The following GTF3C5 variants were observed in gnomAD, a reference collection of about 807,000 sequenced individuals.
GTF3C5 encodes general transcription factor IIIC subunit 5.
In GTF3C5, 47 loss-of-function variants were observed where a neutral mutation model predicts 61.0. That is an observed-to-expected ratio of 0.77 (90% CI 0.61 to 0.98). The LOEUF (loss-of-function observed/expected upper bound fraction) is 0.98, where lower values mean the gene tolerates loss of function less well. GTF3C5 is among the 50% of genes least tolerant of loss of function. The pLI, the probability that GTF3C5 is intolerant of heterozygous loss-of-function variation, is 0.00. For missense variants in GTF3C5, 659 were observed against 703.3 expected, an observed-to-expected ratio of 0.94 and a Z score of 0.71; for synonymous variants, 295 against 275.4, an observed-to-expected ratio of 1.07 and a Z score of -0.71.
At chr9:133,037,110 AC>A (rs1199929647) in intron 1 of GTF3C5, among the ~76,000 whole-genome samples, 3 of 152,086 alleles carry the variant, frequency 2.0e-5, no homozygotes, top group Non-Finnish European at 2.9e-5. Context: ...TTGGGGGAGA[AC>A]TGTCCGTCGA....
At chr9:133,055,980 C>T in intron 8 of GTF3C5, 32 bp from the exon 9 acceptor site, 1 of 1,613,802 alleles carries the variant, frequency 6.2e-7, no homozygotes, top group African/African-American at 1.3e-5. Context: ...CTCTGGCTCA[C>T]CTTCCCTGTC....
intron 8 of GTF3C5, 49 bp from the exon 9 acceptor site, chr9:133,055,963 C>A: frequency 6.2e-7 from 1 of 1,612,698 alleles, no homozygotes; most frequent in South Asian, 1.1e-5. Flanking sequence ...CACTGGCAGC[C>A]CCAGGGCTCT....
intron 3 of GTF3C5, among the ~76,000 whole-genome samples, chr9:133,048,140 G>A (rs376189750): frequency 6.8e-6 from 1 of 147,590 alleles, no homozygotes; most frequent in Non-Finnish European, 1.5e-5. Context: ...AAAAAAAAAA[G>A]TGGTTTTTTG....
chr9:133,042,384 C>T (rs1307540061), intron 2 of GTF3C5, 78 bp downstream of exon 2: 3 of 950,782 alleles, frequency 3.2e-6, no homozygotes, highest in African/African-American at 3.2e-5. Flanking sequence ...CTGTGTGGGT[C>T]ATCTGCACCA....
chr9:133,054,229 C>T (rs558618771), intron 6 of GTF3C5, among the ~76,000 whole-genome samples, 179 bp from the exon 7 acceptor site: 19 of 152,330 alleles, frequency 1.2e-4, no homozygotes, highest in African/African-American at 4.6e-4. Flanking sequence ...GCATCAGTGC[C>T]CGCCCTGCCT....
intron 3 of GTF3C5, among the ~76,000 whole-genome samples, chr9:133,048,710 G>A (rs1850281749): frequency 6.6e-6 from 1 of 152,196 alleles, no homozygotes; most frequent in African/African-American, 2.4e-5. Flanking sequence ...GCCGCCCCTG[G>A]CACTAGATGG....
intron 3 of GTF3C5, among the ~76,000 whole-genome samples, chr9:133,047,600 C>T (rs1277108859): frequency 1.3e-5 from 2 of 151,914 alleles, no homozygotes; most frequent in Non-Finnish European, 2.9e-5. Flanking sequence ...CGGCTCACTG[C>T]AACCTCTGCC....
intron 10 of GTF3C5, 47 bp from the exon 11 acceptor site, chr9:133,057,767 C>T (rs780176855): frequency 1.2e-5 from 19 of 1,520,504 alleles, no homozygotes; most frequent in Middle Eastern, 2.4e-4. Context: ...TGGGGCCACC[C>T]GGCAGCCTGC....
At chr9:133,055,099 G>GC in intron 8 of GTF3C5, 1 of 1,550,378 alleles carries the variant, frequency 6.5e-7, no homozygotes. Flanking sequence ...GGGAGCCTGG[G>GC]CCCCCACTGA....
chr9:133,041,121 G>A (rs1850026435), intron 1 of GTF3C5, among the ~76,000 whole-genome samples: 1 of 152,230 alleles, frequency 6.6e-6, no homozygotes. Flanking sequence ...TGTCTGGGAA[G>A]ACGCCTCTTG....
chr9:133,043,508 C>T (rs12344438), intron 2 of GTF3C5, among the ~76,000 whole-genome samples: 98 of 152,320 alleles, frequency 6.4e-4, no homozygotes, highest in Middle Eastern at 3.4e-3. Context: ...TATCATGTAG[C>T]TCCCCACCTC....
chr9:133,040,340 G>A (rs1379857815), intron 1 of GTF3C5, among the ~76,000 whole-genome samples: 2 of 152,178 alleles, frequency 1.3e-5, no homozygotes, highest in Non-Finnish European at 2.9e-5. Context: ...TCACTAGCAC[G>A]TAGGTGACCT....
intron 10 of GTF3C5, 24 bp downstream of exon 10, chr9:133,056,932 GGGTCCAGGATGCCT>G: frequency 6.4e-7 from 1 of 1,557,850 alleles, no homozygotes; most frequent in Non-Finnish European, 8.7e-7. Flanking sequence ...GGGGTAAAGG[GGGTCCAGGATGCCT>G]GGTGATCTCC....
intron 5 of GTF3C5, among the ~76,000 whole-genome samples, chr9:133,053,326 T>G (rs1322297796): frequency 6.6e-6 from 1 of 152,198 alleles, no homozygotes; most frequent in Non-Finnish European, 1.5e-5. Flanking sequence ...GGCTCACTCC[T>G]AGAATCCCGG....
chr9:133,051,235 C>T (rs758379636), intron 4 of GTF3C5, among the ~76,000 whole-genome samples: 9 of 152,244 alleles, frequency 5.9e-5, no homozygotes, highest in East Asian at 1.9e-4. Context: ...GTGACATAAA[C>T]GTGGAGCTCT....
At chr9:133,055,669 GA>G in intron 8 of GTF3C5, 3 of 985,434 alleles carry the variant, frequency 3.0e-6, no homozygotes, top group Non-Finnish European at 3.6e-6. Context: ...GTGGGTGAGG[GA>G]TAAGGTCAGA....
In GTF3C5 at chr9:133,042,107, G is replaced by A. The variant is rs1850054942; in HGVS notation, c.174G>A (p.Lys58=). Residue 58 remains lysine (K), a synonymous_variant, in exon 2 of 11, where the codon AAG becomes AAA. Transcript: ENST00000372097. ...CACAGATCTACGCAGACCCCACCAA[G>A]AGGCTGGAGCTGTACTTCCGGCCCA... ...GVSRIYADPT[K]RLELYFRPKD... 1 of 1,613,782 alleles carries A rather than the reference G, an allele frequency of 6.2e-7. No homozygotes were observed. The highest frequency in any genetic ancestry group is 8.5e-7 in the Non-Finnish European group (1 of 1,179,918).
rs751750842 is a variant in GTF3C5 at position 133,057,950 on chromosome 9, A to C, written c.1530A>C (p.Glu510Asp). 1.2e-6 allele frequency: 2 copies of C among 1,613,916 alleles called. No homozygotes were observed. Among genetic ancestry groups the C allele is most frequent in the South Asian group, 2.2e-5 (2 of 91,074 alleles). ...AGCCATCCGACGGCAGTGAAAACGA[A>C]ATGGAGACAGAGATTCTGGACTACG... ...DFKPSDGSEN[E>D]METEILDYV Residue 510 changes from glutamate (E) to aspartate (D), a missense_variant, in exon 11 of 11, where the codon GAA (glutamate) becomes GAC (aspartate). By Grantham distance (45) the Glu-to-Asp change is conservative (BLOSUM62 2). Coordinates refer to ENST00000372097, the MANE Select transcript of GTF3C5 (RefSeq NM_012087.4).
chr9:133,044,109 C>T, intron 3 of GTF3C5, 183 bp downstream of exon 3: 2 of 345,456 alleles, frequency 5.8e-6, no homozygotes, highest in East Asian at 1.1e-4. Flanking sequence ...CGCGTCACTG[C>T]ACTCCAGCCC....
Sources: allele counts gnomAD v4.1 joint callset (sites outside exome capture counted in the v4.1 genomes callset), GRCh38; gene constraint gnomAD v4.1.1; transcripts MANE v1.5; gene names NCBI Gene and HGNC (gene_info 2026-07-23, HGNC 2026-07-21).